Variants in TCF25 observed in about 807,000 individuals in gnomAD.
TCF25 encodes the protein ribosome quality control complex subunit TCF25.
TCF25 carries 41 observed loss-of-function variants against 83.1 expected under a neutral mutation model. That is an observed-to-expected ratio of 0.49 (90% CI 0.38 to 0.64). The LOEUF is 0.64. TCF25 is among the 30% of genes least tolerant of loss of function. The pLI is 0.00. For missense variants in TCF25, 979 were observed against 914.5 expected, an observed-to-expected ratio of 1.07 and a Z score of -0.91; for synonymous variants, 458 against 365.0, an observed-to-expected ratio of 1.25 and a Z score of -2.90.
At chr16:89,906,716 G>C (rs1011766571) in intron 15 of TCF25, among the ~76,000 whole-genome samples, 1 of 152,144 alleles carries the variant, frequency 6.6e-6, no homozygotes, top group Non-Finnish European at 1.5e-5. Flanking sequence ...CAAGTCAGAG[G>C]GTCGCAGGAC....
Position 89,911,104 on chromosome 16 carries a change from G to C in TCF25, c.1897G>C (p.Ala633Pro), listed in dbSNP as rs537654543. Residue 633 changes from alanine (A) to proline (P), a missense_variant, in exon 18 of 18, where the codon GCT becomes CCT. Ala to Pro is a conservative substitution (Grantham distance 27). Transcript: ENST00000263346. ...GGGGGAGAGGCCCGAGGAAGGAGTGGCTGGGGGTCTGAACCGCAACCAGGG... is the reference window on the plus strand; with the variant it reads ...GGGGGAGAGGCCCGAGGAAGGAGTGCCTGGGGGTCTGAACCGCAACCAGGG... ...MEGERPEEGV[A>P]GGLNRNQGLN... is the part of the protein sequence containing the mutation. The C allele has an allele frequency of 6.2e-7, 1 of 1,611,268 alleles. No individual in the cohort carries two copies. The highest frequency in any genetic ancestry group is 1.7e-5 in the Admixed American group (1 of 60,014).
At chr16:89,879,992 G>C (rs2042484228) in intron 1 of TCF25, among the ~76,000 whole-genome samples, 1 of 151,254 alleles carries the variant, frequency 6.6e-6, no homozygotes, top group Admixed American at 6.6e-5. Context: ...TATCACGCGT[G>C]CTGTCCATGT....
intron 14 of TCF25, 70 bp from the exon 15 acceptor site, chr16:89,906,124 A>C (rs11862382): frequency 0.15 from 213,704 of 1,379,824 alleles, 22,489 homozygotes; most frequent in African/African-American, 0.51. Flanking sequence ...GTGGGGGCCG[A>C]GGCTCCATGG....
intron 1 of TCF25, among the ~76,000 whole-genome samples, chr16:89,880,136 C>T (rs1245366082): frequency 2.3e-5 from 3 of 130,512 alleles, no homozygotes; most frequent in African/African-American, 7.6e-5. Context: ...TGTACACAGG[C>T]AGGCTCCTGA....
chr16:89,890,641 A>T (rs910467149), intron 5 of TCF25: 1 of 152,118 alleles, frequency 6.6e-6, no homozygotes, highest in African/African-American at 2.4e-5. Flanking sequence ...TCACTTTGTC[A>T]TCTGCATTTC....
In TCF25 at chr16:89,887,718, G is replaced by A; in HGVS notation, c.614+1G>A. 1.3e-6 allele frequency: 2 copies of A among 1,585,128 alleles called. No homozygotes were observed. The highest frequency in any genetic ancestry group is 8.5e-7 in the Non-Finnish European group (1 of 1,170,060). On this transcript the variant is annotated splice_donor_variant, in intron 5 of 17. Transcript: ENST00000263346. LOFTEE classifies it high-confidence loss of function. ...CCCGGGCAATCCTGGGGGAGCAAAG[G>A]TAAGGTCCACAGTGAGCTGCATTCT... is the stretch of plus-strand genomic sequence containing the variant.
Position 89,911,129 on chromosome 16 carries a change from G to C in TCF25, c.1922G>C (p.Gly641Ala). The C allele has an allele frequency of 6.2e-7, 1 of 1,611,888 alleles. No homozygotes were observed. Among genetic ancestry groups the C allele is most frequent in the Non-Finnish European group, 8.5e-7 (1 of 1,179,940 alleles). ...GCTGGGGGTCTGAACCGCAACCAGG[G>C]CCTGAACAGGCTGATGCTGGCTGTG... ...GVAGGLNRNQ[G>A]LNRLMLAVRD... Residue 641 changes from glycine (G) to alanine (A), a missense_variant, in exon 18 of 18, where the codon GGC (glycine) becomes GCC (alanine). By Grantham distance (60) the Gly-to-Ala change is moderately conservative. Coordinates refer to ENST00000263346, the MANE Select transcript of TCF25 (RefSeq NM_014972.3).
intron 14 of TCF25, 50 bp downstream of exon 14, chr16:89,905,146 C>T (rs1313070430): frequency 2.0e-6 from 3 of 1,502,078 alleles, no homozygotes; most frequent in Non-Finnish European, 2.7e-6. Flanking sequence ...CTCAGGGACC[C>T]TCATCCCAGA....
intron 9 of TCF25, among the ~76,000 whole-genome samples, chr16:89,898,028 C>CAGGAGGCGGAGCTTGCA (rs2043997720): frequency 6.6e-6 from 1 of 151,316 alleles, no homozygotes; most frequent in South Asian, 2.1e-4. Flanking sequence ...GGCATGAACC[C>CAGGAGGCGGAGCTTGCA]AGGAGGCGGA....
Position 89,906,779 on chromosome 16 carries a change from C to T in TCF25, c.1720-464C>T, listed in dbSNP as rs577199668. Among the ~76,000 whole-genome samples the T allele has an allele frequency of 7.2e-5, 11 of 152,286 alleles. No homozygotes were observed. In the East Asian group the frequency reaches 1.9e-3, roughly 27 times the overall value. On this transcript the variant is annotated intron_variant, in intron 15 of 17. Coordinates refer to ENST00000263346, the MANE Select transcript of TCF25 (RefSeq NM_014972.3). ...GTGCCTCCTGGTTTAACTTCAGCTG[C>T]TCTGCGGGCCCTTATGACCGGCATG...
In TCF25 at chr16:89,873,825, A is replaced by G; in HGVS notation, c.158A>G (p.Lys53Arg). 6.5e-7 allele frequency: 1 copy of G among 1,534,786 alleles called. No individual in the cohort carries two copies. Among genetic ancestry groups the G allele is most frequent in the East Asian group, 2.6e-5 (1 of 38,678 alleles). ...GTCCGGCGTCCCGGGGGCGCAGGGA[A>G]GGAGGGCGTCCGAGTCAACAACCGC... is the stretch of plus-strand genomic sequence containing the variant. ...LGVRRPGGAG[K>R]EGVRVNNRFE... Residue 53 changes from lysine to arginine, a missense_variant, in exon 1 of 18, where the codon AAG becomes AGG. By Grantham distance (26) the Lys-to-Arg change is conservative. Coordinates refer to ENST00000263346, the MANE Select transcript of TCF25 (RefSeq NM_014972.3).
intron 1 of TCF25, among the ~76,000 whole-genome samples, chr16:89,881,053 T>G (rs920174461): frequency 7.2e-5 from 11 of 152,332 alleles, no homozygotes; most frequent in Non-Finnish European, 1.5e-4. Context: ...ACGTCTATAC[T>G]GCCATGGATT....
Position 89,883,074 on chromosome 16 carries a change from T to C in TCF25, c.193-277T>C, listed in dbSNP as rs184348094. 2.9e-4 allele frequency among the ~76,000 whole-genome samples: 44 copies of C among 152,278 alleles called. 1 individual carries two copies. Among genetic ancestry groups the C allele is most frequent in the Admixed American group, 2.6e-3 (39 of 15,292 alleles). On this transcript the variant is annotated intron_variant, in intron 1 of 17. Coordinates refer to ENST00000263346, the MANE Select transcript of TCF25 (RefSeq NM_014972.3). ...TCTGTAAATGGAGTAAATTACAATA[T>C]TTGAGGAGTCTTCCTTACCTCATCT...
At chr16:89,905,169 G>C (rs1271208166) in intron 14 of TCF25, 73 bp downstream of exon 14, 2 of 1,466,366 alleles carry the variant, frequency 1.4e-6, no homozygotes, top group Non-Finnish European at 9.0e-7. Context: ...CGGGGGCCTC[G>C]CATTCGGGAG....
intron 4 of TCF25, 71 bp downstream of exon 4, chr16:89,886,037 C>T (rs754364286): frequency 6.9e-6 from 9 of 1,309,304 alleles, no homozygotes; most frequent in African/African-American, 1.5e-5. Flanking sequence ...CCCTTCTCTG[C>T]GGCTGCCCTT....
intron 1 of TCF25, chr16:89,878,381 T>C (rs1597257760): frequency 8.5e-7 from 1 of 1,176,746 alleles, no homozygotes; most frequent in African/African-American, 1.6e-5. Flanking sequence ...AGGTCAGGAG[T>C]TCGAGACCAG....
rs747268636 is a variant in TCF25, at chr16:89,910,598, C to G, written c.1807C>G (p.Pro603Ala). ...YSYVRPERLS[P>A]ISHGNTIALF... ...TTCTTGACTTTCTTTCAGGCTAAGT[C>G]CTATCAGCCATGGAAACACCATTGC... The change falls in exon 17 of 18, where the codon CCT (proline) becomes GCT (alanine). Residue 603 changes from proline to alanine, a missense_variant. Physicochemically the swap from Pro to Ala is conservative, Grantham distance 27. Transcript: ENST00000263346. 5.0e-6 allele frequency: 8 copies of G among 1,613,650 alleles called. No homozygotes were observed. The highest frequency in any genetic ancestry group is 5.1e-6 in the Non-Finnish European group (6 of 1,179,914).
chr16:89,908,918 G>C, intron 16 of TCF25: 3 of 1,287,156 alleles, frequency 2.3e-6, no homozygotes, highest in Non-Finnish European at 3.0e-6. Flanking sequence ...TTCAGACCCA[G>C]ATGCTGAGAG....
chr16:89,899,002 C>T (rs1267738666), intron 11 of TCF25, 130 bp downstream of exon 11: 5 of 854,724 alleles, frequency 5.8e-6, no homozygotes, highest in African/African-American at 1.7e-5. Context: ...GGCAGAACCA[C>T]GTCCTCCTGC....
Sources: gnomAD v4.1 joint callset for allele counts (sites outside exome capture counted in the v4.1 genomes callset) on GRCh38, gnomAD v4.1.1 for gene constraint, MANE v1.5 for transcripts, NCBI Gene and HGNC (gene_info 2026-07-23, HGNC 2026-07-21) for gene names.